The following SYNRG variants were observed in gnomAD, a reference collection of about 807,000 sequenced individuals.
SYNRG encodes the protein synergin gamma, also known as AP1 gamma subunit binding protein 1.
Under a neutral mutation model 130.9 loss-of-function variants are expected in SYNRG, and 37 were observed. The observed-to-expected ratio is 0.28, with a 90% CI of 0.22 to 0.37. SYNRG has a LOEUF of 0.37. Ranked by LOEUF, SYNRG falls within the 10% of genes least tolerant of loss-of-function variation. The pLI is 1.00. For missense variants in SYNRG, 1,338 were observed against 1,588.9 expected (o/e 0.84, Z 2.68); for synonymous variants, 539 against 568.1 (o/e 0.95, Z 0.73).
intron 2 of SYNRG, among the ~76,000 whole-genome samples, chr17:37,598,254 T>C (rs1009854510): frequency 6.6e-6 from 1 of 152,232 alleles, no homozygotes; most frequent in Non-Finnish European, 1.5e-5. Context: ...CTATTTTACA[T>C]AGGGCAATCA....
chr17:37,570,858 C>A lies in SYNRG; in HGVS notation c.1126G>T (p.Ala376Ser), dbSNP rs993166750. 6.2e-7 allele frequency: 1 copy of A among 1,614,054 alleles called. No homozygotes were observed. The change falls in exon 10 of 22, where the codon GCT becomes TCT. Residue 376 changes from alanine to serine, a missense_variant. Ala to Ser is a moderately conservative substitution (Grantham distance 99). This residue lies in a region of SYNRG where 1,146 missense variants were observed against 1,342.3 expected (regional missense o/e 0.85). Transcript: ENST00000612223. ...GGAGCTGCTGGGAACTGGTTTAAAGCATCAGGACTCATTGCAGGAACGCCC... is the reference window on the plus strand; with the variant it reads ...GGAGCTGCTGGGAACTGGTTTAAAGAATCAGGACTCATTGCAGGAACGCCC... Reference protein sequence around the residue: ...QRGVPAMSPDALNQFPAAPIP... With the variant: ...QRGVPAMSPDSLNQFPAAPIP...
chr17:37,568,863 A>C lies in SYNRG; in HGVS notation c.1409T>G (p.Leu470Arg). ...TTGGAAATCACTGAATGAGTCATCA[A>C]GGGATCCTGACTTAGAAGCATCTTG... The part of the protein sequence containing the change: ...DFQDASKSGS[L>R]DDSFSDFQEL... The change falls in exon 11 of 22, where the codon CTT becomes CGT. Residue 470 changes from leucine (L) to arginine (R), a missense_variant. Leu to Arg is a moderately radical substitution (Grantham distance 102). Transcript: ENST00000612223. The C allele has an allele frequency of 3.7e-6, 6 of 1,614,136 alleles. No homozygotes were observed. Among genetic ancestry groups the C allele is most frequent in the Non-Finnish European group, 5.1e-6 (6 of 1,179,984 alleles).
chr17:37,560,166 C>A (rs2059419181), intron 13 of SYNRG, among the ~76,000 whole-genome samples: 1 of 151,974 alleles, frequency 6.6e-6, no homozygotes. Flanking sequence ...CCACTCTGGC[C>A]TCCCAAAGTG....
chr17:37,521,898 G>A (rs1359046200), intron 19 of SYNRG, among the ~76,000 whole-genome samples: 1 of 152,016 alleles, frequency 6.6e-6, no homozygotes, highest in Non-Finnish European at 1.5e-5. Context: ...AGAAGGACCA[G>A]GTTTGAGGAT....
At chr17:37,600,214 C>T in intron 2 of SYNRG, 149 bp downstream of exon 2, 1 of 600,672 alleles carries the variant, frequency 1.7e-6, no homozygotes, top group South Asian at 2.5e-5. Flanking sequence ...TTAAGAGTAG[C>T]TGTCATATAG....
At chr17:37,546,893 A>T (rs761286114) in intron 14 of SYNRG, among the ~76,000 whole-genome samples, 9 of 152,314 alleles carry the variant, frequency 5.9e-5, no homozygotes, top group Admixed American at 1.3e-4. Context: ...TGTACATTTC[A>T]GTTTCTCTCT....
chr17:37,540,925 C>T (rs143116185), intron 15 of SYNRG: 7 of 998,412 alleles, frequency 7.0e-6, no homozygotes, highest in Middle Eastern at 5.1e-4. Context: ...TGAGCCACCG[C>T]GCCCAGCCCA....
chr17:37,573,179 G>A (rs540052562), intron 8 of SYNRG, among the ~76,000 whole-genome samples: 9 of 152,174 alleles, frequency 5.9e-5, no homozygotes, highest in East Asian at 3.9e-4. Flanking sequence ...TGAGGTGGGC[G>A]GGTCACAAGG....
At chr17:37,520,465 T>G in intron 20 of SYNRG, 73 bp downstream of exon 20, 1 of 1,407,472 alleles carries the variant, frequency 7.1e-7, no homozygotes, top group Non-Finnish European at 1.0e-6. Flanking sequence ...TGCAGTAAAG[T>G]GGGCCAGATG....
rs1289023900 is a variant in SYNRG at position 37,516,660 on chromosome 17, A to AG, written c.*2279_*2280insC. On this transcript the variant is annotated 3_prime_UTR_variant, in exon 22 of 22. Coordinates refer to ENST00000612223, the MANE Select transcript of SYNRG (RefSeq NM_007247.6). Reference sequence around the variant, plus strand: ...CAGCAATACAAATTCAAACTGGGAAACTTTTTTTTTTTTTTTTTTAAGAGA... The same window carrying AG: ...CAGCAATACAAATTCAAACTGGGAAAGCTTTTTTTTTTTTTTTTTTAAGAGA... The AG allele has an allele frequency of 6.1e-5, 9 of 146,788 alleles. No homozygotes were observed. Among genetic ancestry groups the AG allele is most frequent in the African/African-American group, 2.0e-4 (8 of 39,776 alleles). The allele number at this position is 146,788 out of a possible 1,614,324, so 9.1% of individuals were successfully genotyped here.
At chr17:37,608,283 T>G (rs2063992964) in intron 1 of SYNRG, among the ~76,000 whole-genome samples, 1 of 152,072 alleles carries the variant, frequency 6.6e-6, no homozygotes, top group African/African-American at 2.4e-5. Flanking sequence ...ACTCCGAAAT[T>G]GAAACACTGC....
intron 2 of SYNRG, among the ~76,000 whole-genome samples, chr17:37,596,558 G>T (rs1444011952): frequency 6.6e-6 from 1 of 152,118 alleles, no homozygotes; most frequent in Non-Finnish European, 1.5e-5. Flanking sequence ...TCTGTAAAAT[G>T]AAGATAATAT....
chr17:37,575,485 T>C (rs2060749475), intron 8 of SYNRG, among the ~76,000 whole-genome samples: 2 of 152,036 alleles, frequency 1.3e-5, no homozygotes, highest in South Asian at 4.2e-4. Context: ...AAGAAGAAAA[T>C]GCACTTTAAG....
In SYNRG at chr17:37,539,226, T is replaced by C; in HGVS notation, c.3386A>G (p.Tyr1129Cys). The C allele has an allele frequency of 6.2e-7, 1 of 1,614,212 alleles. No individual in the cohort carries two copies. Among genetic ancestry groups the C allele is most frequent in the East Asian group, 2.2e-5 (1 of 44,888 alleles). ...ACTCCCCAGGCATCTCTGCCATTCATATGCATATCTCTCATTTTCCTGTGA... is the reference window on the plus strand; with the variant it reads ...ACTCCCCAGGCATCTCTGCCATTCACATGCATATCTCTCATTTTCCTGTGA... Reference protein sequence around the residue: ...GEVEENERYAYEWQRCLGSAL... With the variant: ...GEVEENERYACEWQRCLGSAL... The change falls in exon 17 of 22, where the codon TAT becomes TGT. Residue 1129 changes from tyrosine (Y) to cysteine (C), a missense_variant. Coordinates refer to ENST00000612223, the MANE Select transcript of SYNRG (RefSeq NM_007247.6).
intron 11 of SYNRG, among the ~76,000 whole-genome samples, chr17:37,563,338 C>T (rs185785946): frequency 7.0e-4 from 107 of 152,202 alleles, no homozygotes; most frequent in African/African-American, 2.6e-3. Flanking sequence ...AAAATTCGGC[C>T]ACAAAAAAGT....
intron 18 of SYNRG, 184 bp from the exon 19 acceptor site, chr17:37,536,311 A>G: frequency 5.5e-6 from 4 of 724,816 alleles, no homozygotes; most frequent in Non-Finnish European, 8.6e-6. Flanking sequence ...TGGTAAGAGC[A>G]TAGAAGCTGC....
At chr17:37,599,368 G>A (rs2063065366) in intron 2 of SYNRG, among the ~76,000 whole-genome samples, 1 of 152,154 alleles carries the variant, frequency 6.6e-6, no homozygotes, top group South Asian at 2.1e-4. Context: ...ATTGATATTG[G>A]TGGGTCCTAG....
At position 37,553,558 on chromosome 17, in the gene SYNRG, A is replaced by G; in HGVS notation, c.2165T>C (p.Val722Ala). The G allele has an allele frequency of 6.2e-7, 1 of 1,614,156 alleles. No homozygotes were observed. The highest frequency in any genetic ancestry group is 8.5e-7 in the Non-Finnish European group (1 of 1,180,030). ...GCTGCCCACGTTGCTGGTTAGAGGA[A>G]CAGGACTGGCTTCCTCTTTAAGGGC... is the stretch of plus-strand genomic sequence containing the variant. ...YDALKEEASP[V>A]PLTSNVGSTV... Residue 722 changes from valine to alanine, a missense_variant, in exon 14 of 22, where the codon GTT (valine) becomes GCT (alanine). Around this residue, in one of 3 missense-constraint regions of SYNRG, gnomAD observed 1,146 missense variants for 1,342.3 expected, o/e 0.85. Transcript: ENST00000612223.
Position 37,586,643 on chromosome 17 carries a change from C to G in SYNRG, c.241-94G>C. Reference sequence around the variant, plus strand: ...CTTCCATAAATTCTATCTTAATACTCTTATTTGTAAAAAATAGAAATATAT... The same window carrying G: ...CTTCCATAAATTCTATCTTAATACTGTTATTTGTAAAAAATAGAAATATAT... On this transcript the variant is annotated intron_variant, in intron 3 of 21. Coordinates refer to ENST00000612223, the MANE Select transcript of SYNRG (RefSeq NM_007247.6). 2.9e-6 allele frequency: 4 copies of G among 1,376,026 alleles called. No homozygotes were observed. The South Asian group carries it at 5.9e-5, about 20-fold the overall frequency. 85.2% of individuals were successfully genotyped at this position (1,376,026 alleles called of 1,614,324 possible). A position where few individuals can be genotyped will look rare whatever the true frequency, so the allele number is the denominator to read the frequency against.
Sources: gnomAD v4.1 joint callset for allele counts (sites outside exome capture counted in the v4.1 genomes callset) on GRCh38, gnomAD v4.1.1 for gene constraint, gnomAD v4.1.1 regional missense constraint, MANE v1.5 for transcripts, NCBI Gene and HGNC (gene_info 2026-07-23, HGNC 2026-07-21) for gene names.